Variants in GALNTL6 observed in about 807,000 individuals in gnomAD.
The protein encoded by GALNTL6 is polypeptide N-acetylgalactosaminyltransferase like 6, also known as polypeptide N-acetylgalactosaminyltransferase-like 6.
In GALNTL6, 46 loss-of-function variants were observed where a neutral mutation model predicts 73.7. The ratio of observed to expected loss-of-function variants is 0.62; its 90% confidence interval spans 0.49 to 0.80. GALNTL6 has a LOEUF of 0.80. GALNTL6 is among the 30% of genes least tolerant of loss of function. The pLI is 0.00. For missense variants in GALNTL6, 604 were observed against 755.0 expected, an observed-to-expected ratio of 0.80 and a Z score of 2.34; for synonymous variants, 259 against 263.7, an observed-to-expected ratio of 0.98 and a Z score of 0.17.
Position 172,959,014 on chromosome 4 carries a change from G to A in GALNTL6, c.1371+6756G>A, listed in dbSNP as rs548979349. ...TCTGGTTTTTGGACAGGTAAAATCGGGGAATTGTATGGAGAGTTTATAGGC... is the reference window on the plus strand; with the variant it reads ...TCTGGTTTTTGGACAGGTAAAATCGAGGAATTGTATGGAGAGTTTATAGGC... On this transcript the variant is annotated intron_variant, in intron 10 of 12. Coordinates refer to ENST00000506823, the MANE Select transcript of GALNTL6 (RefSeq NM_001034845.3). 1.8e-4 allele frequency among the ~76,000 whole-genome samples: 27 copies of A among 152,258 alleles called. No individual in the cohort carries two copies. The South Asian group carries it at 5.6e-3, about 32-fold the overall frequency.
chr4:172,127,419 G>T (rs1263621193), intron 2 of GALNTL6, among the ~76,000 whole-genome samples: 1 of 152,196 alleles, frequency 6.6e-6, no homozygotes, highest in African/African-American at 2.4e-5. Flanking sequence ...CGCAGGCTGG[G>T]GACTGGTGCA....
intron 7 of GALNTL6, among the ~76,000 whole-genome samples, chr4:172,871,217 C>T (rs1744912699): frequency 6.6e-6 from 1 of 152,194 alleles, no homozygotes; most frequent in Non-Finnish European, 1.5e-5. Flanking sequence ...TTGTCCCTTC[C>T]TCTGGAGATA....
At chr4:171,971,994 G>T (rs186348670) in intron 2 of GALNTL6, among the ~76,000 whole-genome samples, 1 of 152,152 alleles carries the variant, frequency 6.6e-6, no homozygotes, top group Non-Finnish European at 1.5e-5. Flanking sequence ...CCAACTCATG[G>T]TCTCTCATAC....
chr4:171,888,741 T>C (rs1033105675), intron 2 of GALNTL6, among the ~76,000 whole-genome samples: 4 of 152,044 alleles, frequency 2.6e-5, no homozygotes, highest in African/African-American at 9.7e-5. Flanking sequence ...CCAGAAAACA[T>C]AGCAGCCACA....
At chr4:172,935,470 C>G (rs1054116577) in intron 9 of GALNTL6, among the ~76,000 whole-genome samples, 48 of 151,768 alleles carry the variant, frequency 3.2e-4, no homozygotes, top group African/African-American at 1.1e-3. Flanking sequence ...AAAAAACCTT[C>G]AAAAAAATCA....
chr4:172,397,556 C>CATTT (rs10639647), intron 5 of GALNTL6, among the ~76,000 whole-genome samples: 36,187 of 144,260 alleles, frequency 0.25, 4,785 homozygotes, highest in East Asian at 0.33. Flanking sequence ...ATAAGTATCT[C>CATTT]ATTTATTTAT....
At chr4:171,928,534 G>A (rs1738065369) in intron 2 of GALNTL6, among the ~76,000 whole-genome samples, 1 of 152,190 alleles carries the variant, frequency 6.6e-6, no homozygotes, top group African/African-American at 2.4e-5. Flanking sequence ...CATGTTCATT[G>A]CTTATGTATG....
chr4:172,161,781 G>A (rs1430728631), intron 2 of GALNTL6, among the ~76,000 whole-genome samples: 1 of 152,038 alleles, frequency 6.6e-6, no homozygotes, highest in African/African-American at 2.4e-5. Flanking sequence ...CTTAGCAAGT[G>A]AGTTGGAAGG....
intron 3 of GALNTL6, among the ~76,000 whole-genome samples, chr4:172,268,456 C>T (rs528027006): frequency 5.4e-4 from 82 of 152,304 alleles, no homozygotes; most frequent in African/African-American, 1.9e-3. Context: ...GGGAATTGGG[C>T]TTTTATGCCA....
intron 5 of GALNTL6, among the ~76,000 whole-genome samples, chr4:172,609,505 G>A (rs1484808380): frequency 6.6e-6 from 1 of 152,030 alleles, no homozygotes; most frequent in East Asian, 1.9e-4. Context: ...CTTGATCATG[G>A]CGCAGAAGCC....
chr4:172,075,241 T>G (rs1485866251), intron 2 of GALNTL6, among the ~76,000 whole-genome samples: 1 of 152,166 alleles, frequency 6.6e-6, no homozygotes, highest in Non-Finnish European at 1.5e-5. Flanking sequence ...TAATTTTCCT[T>G]TTTAAATATT....
At chr4:171,846,264 G>A (rs1735365542) in intron 2 of GALNTL6, among the ~76,000 whole-genome samples, 1 of 152,096 alleles carries the variant, frequency 6.6e-6, no homozygotes, top group Non-Finnish European at 1.5e-5. Context: ...GTATCTGGAG[G>A]GCTTTCATAG....
At chr4:171,959,054 G>T (rs1485658241) in intron 2 of GALNTL6, among the ~76,000 whole-genome samples, 1 of 152,048 alleles carries the variant, frequency 6.6e-6, no homozygotes, top group Non-Finnish European at 1.5e-5. Context: ...CAATAATTAG[G>T]CTGAACCTAG....
intron 10 of GALNTL6, among the ~76,000 whole-genome samples, chr4:172,955,000 G>T (rs896772922): frequency 6.6e-6 from 1 of 152,128 alleles, no homozygotes; most frequent in Non-Finnish European, 1.5e-5. Flanking sequence ...AAAGACAAGG[G>T]TTTGCACTGT....
At chr4:172,546,335 G>T (rs1412523974) in intron 5 of GALNTL6, among the ~76,000 whole-genome samples, 1 of 152,110 alleles carries the variant, frequency 6.6e-6, no homozygotes, top group East Asian at 1.9e-4. Context: ...GAAGGGATAT[G>T]ATGTTGACAA....
chr4:172,030,671 C>T (rs1444056746), intron 2 of GALNTL6, among the ~76,000 whole-genome samples: 3 of 151,836 alleles, frequency 2.0e-5, no homozygotes, highest in Non-Finnish European at 4.4e-5. Context: ...GATCGCACCA[C>T]TGTACTCTAG....
At chr4:172,902,490 T>C (rs1746678464) in intron 8 of GALNTL6, among the ~76,000 whole-genome samples, 1 of 152,130 alleles carries the variant, frequency 6.6e-6, no homozygotes, top group African/African-American at 2.4e-5. Context: ...CCCTTTTCCA[T>C]CCCCAGGAGC....
At chr4:172,218,486 C>T (rs960292648) in intron 2 of GALNTL6, among the ~76,000 whole-genome samples, 12 of 152,138 alleles carry the variant, frequency 7.9e-5, no homozygotes, top group Admixed American at 1.3e-4. Flanking sequence ...AATTCATTAA[C>T]GTTATCATTT....
intron 5 of GALNTL6, among the ~76,000 whole-genome samples, chr4:172,478,356 C>A (rs945329407): frequency 6.6e-6 from 1 of 152,098 alleles, no homozygotes; most frequent in African/African-American, 2.4e-5. Flanking sequence ...CAAAATAAAG[C>A]CAAATACCTA....
Sources: gnomAD v4.1 joint callset for allele counts (sites outside exome capture counted in the v4.1 genomes callset) on GRCh38, gnomAD v4.1.1 for gene constraint, MANE v1.5 for transcripts, NCBI Gene and HGNC (gene_info 2026-07-23, HGNC 2026-07-21) for gene names.